HHAT: variants seen among roughly 807,000 people sequenced by gnomAD.
The protein encoded by HHAT is hedgehog acyltransferase.
Under a neutral mutation model 70.8 loss-of-function variants are expected in HHAT, and 47 were observed. The ratio of observed to expected loss-of-function variants is 0.66; its 90% CI spans 0.53 to 0.85. The LOEUF is 0.85. Ranked by LOEUF, HHAT falls within the 40% of genes least tolerant of loss-of-function variation. The probability of loss-of-function intolerance (pLI) is 0.00; values close to 1 mark genes in which losing one functional copy is unlikely to be tolerated. For missense variants in HHAT, 609 were observed against 604.8 expected (o/e 1.01, Z -0.07); for synonymous variants, 228 against 247.6 (o/e 0.92, Z 0.74).
intron 4 of HHAT, among the ~76,000 whole-genome samples, chr1:210,392,058 G>A (rs950207892): frequency 2.0e-5 from 3 of 152,094 alleles, no homozygotes; most frequent in African/African-American, 7.2e-5. Flanking sequence ...TTGTAGAGAC[G>A]AGATCTTGCT....
rs976475263 is a variant in HHAT at position 210,404,278 on chromosome 1, A to G, written c.469-186A>G. On this transcript the variant is annotated intron_variant, in intron 5 of 11. Coordinates refer to ENST00000261458, the MANE Select transcript of HHAT (RefSeq NM_018194.6). ...CTTGCTTTGATTACCAATGAGATTTACCTGGTGTTCATTGGTTCTCGACTG... is the reference window on the plus strand; with the variant it reads ...CTTGCTTTGATTACCAATGAGATTTGCCTGGTGTTCATTGGTTCTCGACTG... Among the ~76,000 whole-genome samples, 4 of 152,106 alleles carry G rather than the reference A, an allele frequency of 2.6e-5. No individual in the cohort carries two copies. The East Asian group carries it at 7.7e-4, about 29-fold the overall frequency.
At chr1:210,336,569 A>AG in intron 1 of HHAT, among the ~76,000 whole-genome samples, 1 of 152,116 alleles carries the variant, frequency 6.6e-6, no homozygotes, top group East Asian at 1.9e-4. Flanking sequence ...GGATCACTTG[A>AG]GGCCAGGAGT....
chr1:210,346,611 A>G (rs1266808756), intron 1 of HHAT, among the ~76,000 whole-genome samples: 3 of 152,258 alleles, frequency 2.0e-5, no homozygotes, highest in African/African-American at 7.2e-5. Flanking sequence ...GGAAAAGTCC[A>G]GACCAAACTT....
At chr1:210,623,167 G>A (rs1396757157) in intron 10 of HHAT, among the ~76,000 whole-genome samples, 2 of 152,176 alleles carry the variant, frequency 1.3e-5, no homozygotes, top group Non-Finnish European at 2.9e-5. Context: ...GAACTCCCGG[G>A]CTGAAGCAAT....
intron 4 of HHAT, among the ~76,000 whole-genome samples, chr1:210,391,451 TTTTATC>T (rs2091453041): frequency 6.6e-6 from 1 of 152,142 alleles, no homozygotes; most frequent in South Asian, 2.1e-4. Flanking sequence ...ATTAAAAACT[TTTTATC>T]TAATGACACA....
At chr1:210,608,467 G>C (rs1169831223) in intron 10 of HHAT, among the ~76,000 whole-genome samples, 2 of 152,026 alleles carry the variant, frequency 1.3e-5, no homozygotes, top group East Asian at 3.9e-4. Context: ...GTTTTAAATT[G>C]TGTCCTGATT....
At chr1:210,619,126 T>C (rs1370753889) in intron 10 of HHAT, among the ~76,000 whole-genome samples, 1 of 152,148 alleles carries the variant, frequency 6.6e-6, no homozygotes, top group African/African-American at 2.4e-5. Flanking sequence ...GCCAAAAGTC[T>C]AGCACCTGCC....
intron 9 of HHAT, among the ~76,000 whole-genome samples, chr1:210,582,731 A>G (rs1402098982): frequency 1.3e-5 from 2 of 152,166 alleles, no homozygotes; most frequent in Non-Finnish European, 1.5e-5. Flanking sequence ...ACACAGGCAG[A>G]CGTCTGCAGG....
chr1:210,404,145 C>A (rs1174766588), intron 5 of HHAT, among the ~76,000 whole-genome samples: 1 of 152,180 alleles, frequency 6.6e-6, no homozygotes, highest in Non-Finnish European at 1.5e-5. Context: ...ACCTTATGCC[C>A]TGGATGTATC....
intron 11 of HHAT, among the ~76,000 whole-genome samples, chr1:210,645,426 T>C (rs4951711): frequency 0.66 from 100,560 of 152,038 alleles, 34,782 homozygotes; most frequent in Non-Finnish European, 0.78. Flanking sequence ...TACAGGCGCC[T>C]ACCACCACAC....
At chr1:210,626,138 C>T (rs1031682028) in intron 11 of HHAT, among the ~76,000 whole-genome samples, 8 of 152,262 alleles carry the variant, frequency 5.3e-5, no homozygotes, top group South Asian at 2.1e-4. Context: ...CAATTAACCA[C>T]GGAGCTGTGT....
intron 1 of HHAT, among the ~76,000 whole-genome samples, chr1:210,330,663 C>T (rs2084907546): frequency 6.6e-6 from 1 of 152,134 alleles, no homozygotes; most frequent in South Asian, 2.1e-4. Flanking sequence ...ACCTGCACCC[C>T]CTGCTTCCAG....
At chr1:210,329,939 G>T (rs1367918409) in intron 1 of HHAT, among the ~76,000 whole-genome samples, 1 of 152,130 alleles carries the variant, frequency 6.6e-6, no homozygotes, top group African/African-American at 2.4e-5. Context: ...AGAGACGAGG[G>T]TCTCACCGTG....
intron 7 of HHAT, among the ~76,000 whole-genome samples, chr1:210,454,737 A>C (rs2093826642): frequency 6.6e-6 from 1 of 152,180 alleles, no homozygotes; most frequent in African/African-American, 2.4e-5. Context: ...TATTCTACCT[A>C]GGTAAATTGT....
At chr1:210,588,528 A>G (rs1470559772) in intron 10 of HHAT, 1 of 156,076 alleles carries the variant, frequency 6.4e-6, no homozygotes, top group East Asian at 1.9e-4. Context: ...ACCCTTTTTA[A>G]TGGCTACATA....
chr1:210,597,669 A>C (rs577712503), intron 10 of HHAT, among the ~76,000 whole-genome samples: 2 of 152,102 alleles, frequency 1.3e-5, no homozygotes, highest in East Asian at 3.9e-4. Flanking sequence ...TCAGGGTCCA[A>C]GGGCTCTTCA....
At chr1:210,565,485 A>T (rs1338116089) in intron 9 of HHAT, among the ~76,000 whole-genome samples, 3 of 152,210 alleles carry the variant, frequency 2.0e-5, no homozygotes, top group Non-Finnish European at 4.4e-5. Flanking sequence ...ACAATGTGGC[A>T]TTCCTAGTCT....
Position 210,662,041 on chromosome 1 carries a change from T to A in HHAT, c.1391-12247T>A, listed in dbSNP as rs114159206. On this transcript the variant is annotated intron_variant, in intron 11 of 11. Transcript: ENST00000261458. ...TCTGCTAAGTTTAGCTGTTTTTATC[T>A]TATTCAATTTTAACTTATTAGTGTT... 6.1e-3 allele frequency among the ~76,000 whole-genome samples: 923 copies of A among 152,322 alleles called. 6 individuals are homozygous for A. The highest frequency in any genetic ancestry group is 0.01 in the Admixed American group (155 of 15,292).
chr1:210,355,636 G>A (rs954493325), intron 2 of HHAT, among the ~76,000 whole-genome samples: 3 of 152,152 alleles, frequency 2.0e-5, no homozygotes, highest in Admixed American at 1.3e-4. Flanking sequence ...AAGTGAGAGT[G>A]GTTGGCCTGT....
Sources: allele counts gnomAD v4.1 joint callset (sites outside exome capture counted in the v4.1 genomes callset), GRCh38; gene constraint gnomAD v4.1.1; transcripts MANE v1.5; gene names NCBI Gene and HGNC (gene_info 2026-07-23, HGNC 2026-07-21).